CACNB4: variants seen among roughly 807,000 people sequenced by gnomAD.
CACNB4 encodes the protein calcium voltage-gated channel auxiliary subunit beta 4.
Under a neutral mutation model 71.2 loss-of-function variants are expected in CACNB4, and 32 were observed. That is an observed-to-expected ratio of 0.45 (90% CI 0.34 to 0.60). The LOEUF (loss-of-function observed/expected upper bound fraction) is 0.60, where lower values mean the gene tolerates loss of function less well. Among genes scored for constraint, CACNB4 ranks in the 20% least tolerant of loss-of-function variants. The pLI, the probability that CACNB4 is intolerant of heterozygous loss-of-function variation, is 0.01. For missense variants in CACNB4, 464 were observed against 647.9 expected (o/e 0.72, Z 3.08); for synonymous variants, 231 against 236.9 (o/e 0.97, Z 0.23).
chr2:151,971,709 T>C (rs993513612), intron 2 of CACNB4: 1 of 662,158 alleles, frequency 1.5e-6, no homozygotes, highest in African/African-American at 1.8e-5. Context: ...TTCTTCCTTA[T>C]AAAAACAAAT....
chr2:152,078,281 G>A (rs1179464177), intron 2 of CACNB4, among the ~76,000 whole-genome samples: 1 of 152,198 alleles, frequency 6.6e-6, no homozygotes, highest in Non-Finnish European at 1.5e-5. Context: ...GCTGCAGAGA[G>A]TATGAGGAGG....
At chr2:152,096,392 G>A (rs1404864722) in intron 2 of CACNB4, among the ~76,000 whole-genome samples, 5 of 152,158 alleles carry the variant, frequency 3.3e-5, no homozygotes, top group African/African-American at 1.2e-4. Context: ...GCTGAGGCAG[G>A]AGAATGGCGT....
At chr2:152,091,415 A>G (rs914281744) in intron 2 of CACNB4, among the ~76,000 whole-genome samples, 1 of 152,170 alleles carries the variant, frequency 6.6e-6, no homozygotes, top group Non-Finnish European at 1.5e-5. Context: ...CCATGCAGCT[A>G]AAATATAAAA....
At chr2:151,861,552 A>G (rs940521383) in intron 9 of CACNB4, 3 of 152,272 alleles carry the variant, frequency 2.0e-5, no homozygotes, top group African/African-American at 7.2e-5. Flanking sequence ...CAAGAGAAGA[A>G]TAAAGCAGGG....
At chr2:152,078,723 A>G (rs1394694627) in intron 2 of CACNB4, among the ~76,000 whole-genome samples, 8 of 152,220 alleles carry the variant, frequency 5.3e-5, no homozygotes, top group Admixed American at 3.9e-4. Flanking sequence ...ACTGGATCCA[A>G]AGATGGAATC....
At chr2:152,079,340 A>G (rs1481179445) in intron 2 of CACNB4, among the ~76,000 whole-genome samples, 1 of 151,980 alleles carries the variant, frequency 6.6e-6, no homozygotes, top group Admixed American at 6.6e-5. Context: ...CGCCTGCCTC[A>G]GCCTCCCAAA....
intron 2 of CACNB4, among the ~76,000 whole-genome samples, chr2:151,932,304 T>G (rs2099861817): frequency 6.6e-6 from 1 of 151,986 alleles, no homozygotes; most frequent in South Asian, 2.1e-4. Context: ...AGAAAGAATC[T>G]GTGCCAGGAT....
intron 2 of CACNB4, among the ~76,000 whole-genome samples, chr2:152,083,352 GGGAGGA>G (rs1160663884): frequency 3.2e-3 from 298 of 93,230 alleles, no homozygotes; most frequent in African/African-American, 0.02. Flanking sequence ...AAGGAAGGAA[GGGAGGA>G]AGGAAGGAAG....
intron 2 of CACNB4, among the ~76,000 whole-genome samples, chr2:152,008,836 A>T (rs1026558750): frequency 2.6e-5 from 4 of 152,106 alleles, no homozygotes; most frequent in African/African-American, 9.7e-5. Context: ...GGAACTACTG[A>T]ACAAGAATCT....
chr2:151,847,116 A>C (rs893094334), intron 12 of CACNB4, among the ~76,000 whole-genome samples: 1 of 151,766 alleles, frequency 6.6e-6, no homozygotes, highest in South Asian at 2.1e-4. Context: ...AAAAAAAAAA[A>C]AAAAGATTGG....
Position 152,098,564 on chromosome 2 carries a change from G to GCCGCCCCCCCC in CACNB4, c.64-152_64-151insGGGGGGGGCGG. Reference sequence around the variant, plus strand: ...GTCTCCTCCGCGACTCCCAAATACAGCCCCCACCCCCACCCACCCACTGCA... The same window carrying GCCGCCCCCCCC: ...GTCTCCTCCGCGACTCCCAAATACAGCCGCCCCCCCCCCCCCACCCCCACCCACCCACTGCA... On this transcript the variant is annotated intron_variant, in intron 1 of 13. Coordinates refer to ENST00000539935, the MANE Select transcript of CACNB4 (RefSeq NM_000726.5). This position sits in a 1 kb window ranked among gnomAD's most constrained non-coding sequence, Gnocchi z 5.3. 1.1e-6 allele frequency: 1 copy of GCCGCCCCCCCC among 931,266 alleles called. No homozygotes were observed. The highest frequency in any genetic ancestry group is 1.7e-6 in the Non-Finnish European group (1 of 583,192). The allele number at this position is 931,266 out of a possible 1,614,324, so 57.7% of individuals were successfully genotyped here. A position where few individuals can be genotyped will look rare whatever the true frequency, so the allele number is the denominator to read the frequency against.
At chr2:152,009,701 G>A (rs966812384) in intron 2 of CACNB4, among the ~76,000 whole-genome samples, 5 of 152,302 alleles carry the variant, frequency 3.3e-5, no homozygotes, top group Admixed American at 6.5e-5. Flanking sequence ...TGCAATGCAC[G>A]GGTGCCTCCA....
chr2:152,094,678 G>A (rs1330160228), intron 2 of CACNB4, among the ~76,000 whole-genome samples: 1 of 152,178 alleles, frequency 6.6e-6, no homozygotes, highest in African/African-American at 2.4e-5. Flanking sequence ...TGTCTCCATT[G>A]CTAGATTATA....
At chr2:151,877,052 T>C (rs1012610045) in intron 4 of CACNB4, among the ~76,000 whole-genome samples, 1 of 147,660 alleles carries the variant, frequency 6.8e-6, no homozygotes, top group East Asian at 1.9e-4. Flanking sequence ...TATATACACA[T>C]AGATAGCTAT....
At chr2:151,997,123 C>T (rs987260315) in intron 2 of CACNB4, among the ~76,000 whole-genome samples, 44 of 152,148 alleles carry the variant, frequency 2.9e-4, no homozygotes, top group African/African-American at 9.4e-4. Flanking sequence ...TCCCTGGAAC[C>T]TCTAAATGTG....
chr2:151,872,500 T>G lies in CACNB4; in HGVS notation c.522-7A>C. 6.6e-7 allele frequency: 1 copy of G among 1,524,088 alleles called. No individual in the cohort carries two copies. The highest frequency in any genetic ancestry group is 9.1e-7 in the Non-Finnish European group (1 of 1,101,096). 94.4% of individuals were successfully genotyped at this position (1,524,088 alleles called of 1,614,324 possible). On this transcript the variant is annotated splice_polypyrimidine_tract_variant and splice_region_variant and intron_variant, in intron 5 of 13. Coordinates refer to ENST00000539935, the MANE Select transcript of CACNB4 (RefSeq NM_000726.5). ...AGAATTTCCACTTGATTTCCTAGGA[T>G]ATAGAAAAGGAACTAAAGACTCACT...
chr2:151,988,996 A>C (rs12475477), intron 2 of CACNB4, among the ~76,000 whole-genome samples: 15,603 of 152,232 alleles, frequency 0.1, 1,108 homozygotes, highest in East Asian at 0.28. Context: ...GCAGAGGTGA[A>C]TAGAGCAACT....
chr2:152,009,653 G>A (rs995936530), intron 2 of CACNB4, among the ~76,000 whole-genome samples: 2 of 152,172 alleles, frequency 1.3e-5, no homozygotes, highest in Non-Finnish European at 2.9e-5. Flanking sequence ...AGCAGCAAAC[G>A]TGCAGGAAGT....
chr2:151,953,384 T>C (rs2099867418), intron 2 of CACNB4, among the ~76,000 whole-genome samples: 1 of 152,216 alleles, frequency 6.6e-6, no homozygotes, highest in African/African-American at 2.4e-5. Flanking sequence ...CATGCTCTCC[T>C]TTCAAGCCCT....
Sources: gnomAD v4.1 joint callset for allele counts (sites outside exome capture counted in the v4.1 genomes callset) on GRCh38, gnomAD v4.1.1 for gene constraint, Gnocchi (gnomAD v3.1) non-coding constraint, MANE v1.5 for transcripts, NCBI Gene and HGNC (gene_info 2026-07-23, HGNC 2026-07-21) for gene names.